The following NKAIN3 variants were observed in gnomAD, a reference collection of about 807,000 sequenced individuals.
NKAIN3 encodes sodium/potassium-transporting ATPase subunit beta-1-interacting protein 3.
NKAIN3 carries 25 observed loss-of-function variants against 30.2 expected under a neutral mutation model. The observed-to-expected ratio is 0.83, with a 90% CI of 0.60 to 1.16. The LOEUF (loss-of-function observed/expected upper bound fraction) is 1.16. NKAIN3 is among the 50% of genes most tolerant of loss of function. The pLI, the probability that NKAIN3 is intolerant of heterozygous loss-of-function variation, is 0.00. For missense variants in NKAIN3, 225 were observed against 254.1 expected, an observed-to-expected ratio of 0.89 and a Z score of 0.78; for synonymous variants, 91 against 89.6, an observed-to-expected ratio of 1.02 and a Z score of -0.09.
chr8:62,349,376 T>C (rs1585710392), intron 1 of NKAIN3, among the ~76,000 whole-genome samples: 1 of 152,034 alleles, frequency 6.6e-6, no homozygotes, highest in Non-Finnish European at 1.5e-5. Context: ...TAAGCCTGGG[T>C]TGAAGCAAAA....
At chr8:62,600,863 T>C (rs1335708018) in intron 3 of NKAIN3, among the ~76,000 whole-genome samples, 1 of 152,132 alleles carries the variant, frequency 6.6e-6, no homozygotes, top group Admixed American at 6.6e-5. Flanking sequence ...GAAATAGTTC[T>C]TCCTCTTCAA....
At chr8:62,580,125 T>C (rs1475703047) in intron 2 of NKAIN3, among the ~76,000 whole-genome samples, 1 of 152,194 alleles carries the variant, frequency 6.6e-6, no homozygotes, top group African/African-American at 2.4e-5. Flanking sequence ...TATTTTAATT[T>C]TAATTGATTT....
At chr8:62,320,118 A>G (rs1585675173) in intron 1 of NKAIN3, among the ~76,000 whole-genome samples, 1 of 151,846 alleles carries the variant, frequency 6.6e-6, no homozygotes, top group East Asian at 1.9e-4. Context: ...ATCTTTGTTG[A>G]TTTAAAGTCT....
chr8:62,832,303 A>T lies in NKAIN3; in HGVS notation c.471+85174A>T, dbSNP rs576791303. 1.1e-4 allele frequency among the ~76,000 whole-genome samples: 15 copies of T among 136,464 alleles called. No homozygotes were observed. The South Asian group carries it at 3.1e-3, about 28-fold the overall frequency. 89.5% of individuals were successfully genotyped at this position (136,464 alleles called of 152,430 possible). A position where few individuals can be genotyped will look rare whatever the true frequency, so the allele number is the denominator to read the frequency against. On this transcript the variant is annotated intron_variant, in intron 4 of 6. Transcript: ENST00000623646. ...CACACACACACACACACACACACAC[A>T]CTCTTAAGTACATATCCCACAGACT...
At chr8:62,658,666 T>A (rs1269518792) in intron 3 of NKAIN3, among the ~76,000 whole-genome samples, 1 of 152,190 alleles carries the variant, frequency 6.6e-6, no homozygotes, top group Non-Finnish European at 1.5e-5. Flanking sequence ...TCTGAAATAG[T>A]GCTGAAATAA....
intron 1 of NKAIN3, among the ~76,000 whole-genome samples, chr8:62,318,268 A>T (rs1000501660): frequency 6.6e-6 from 1 of 152,086 alleles, no homozygotes; most frequent in Admixed American, 6.6e-5. Context: ...AATACCCTTT[A>T]TTTCCTCTCC....
chr8:62,715,748 TG>T (rs1388459783), intron 3 of NKAIN3, among the ~76,000 whole-genome samples: 4 of 152,158 alleles, frequency 2.6e-5, no homozygotes, highest in Admixed American at 6.5e-5. Flanking sequence ...AATTGCTGCC[TG>T]GTGGGAGTTG....
intron 1 of NKAIN3, among the ~76,000 whole-genome samples, chr8:62,508,608 A>C (rs1259307576): frequency 6.6e-6 from 1 of 152,134 alleles, no homozygotes; most frequent in Non-Finnish European, 1.5e-5. Context: ...TATGTTTGAC[A>C]TGCATGGCCA....
chr8:62,429,932 T>A (rs1437265053), intron 1 of NKAIN3, among the ~76,000 whole-genome samples: 1 of 151,896 alleles, frequency 6.6e-6, no homozygotes, highest in Non-Finnish European at 1.5e-5. Context: ...ATCACCACCA[T>A]CCGTCTCCAT....
chr8:62,289,571 C>T (rs185264391), intron 1 of NKAIN3, among the ~76,000 whole-genome samples: 1 of 152,242 alleles, frequency 6.6e-6, no homozygotes, highest in East Asian at 1.9e-4. Context: ...GGTATTATTT[C>T]TGGGGGCTCT....
chr8:62,382,106 CT>C (rs551179279), intron 1 of NKAIN3, among the ~76,000 whole-genome samples: 149 of 152,208 alleles, frequency 9.8e-4, no homozygotes, highest in African/African-American at 3.5e-3. Flanking sequence ...AATTTTGACT[CT>C]TCAAAATCTT....
chr8:62,712,707 C>T (rs1776614670), intron 3 of NKAIN3, among the ~76,000 whole-genome samples: 1 of 152,198 alleles, frequency 6.6e-6, no homozygotes, highest in African/African-American at 2.4e-5. Flanking sequence ...GAAGTCTGCA[C>T]ACTGGGTTTG....
At chr8:62,750,158 C>T (rs952793767) in intron 4 of NKAIN3, among the ~76,000 whole-genome samples, 2 of 152,060 alleles carry the variant, frequency 1.3e-5, no homozygotes, top group South Asian at 2.1e-4. Flanking sequence ...GGCAGGGGCT[C>T]GGCGGCTCTG....
intron 4 of NKAIN3, among the ~76,000 whole-genome samples, chr8:62,769,350 C>A (rs1327610155): frequency 2.6e-5 from 4 of 152,112 alleles, no homozygotes; most frequent in African/African-American, 9.7e-5. Flanking sequence ...GAATCTAATT[C>A]AAAATATCAA....
chr8:62,261,933 T>C (rs915335489), intron 1 of NKAIN3, among the ~76,000 whole-genome samples: 2 of 152,186 alleles, frequency 1.3e-5, no homozygotes, highest in African/African-American at 2.4e-5. Flanking sequence ...AAATTATATG[T>C]TATGCTATTG....
At chr8:62,771,602 AAT>A (rs947536444) in intron 4 of NKAIN3, among the ~76,000 whole-genome samples, 1 of 152,042 alleles carries the variant, frequency 6.6e-6, no homozygotes, top group Non-Finnish European at 1.5e-5. Flanking sequence ...TAGCAAAAAT[AAT>A]GTTTTTGAAG....
chr8:62,383,572 T>A (rs899492904), intron 1 of NKAIN3: 9 of 454,644 alleles, frequency 2.0e-5, no homozygotes, highest in Non-Finnish European at 4.0e-5. Context: ...GCCTTTTGGT[T>A]TGAAGAACAT....
chr8:62,601,875 A>G (rs1810993593), intron 3 of NKAIN3, among the ~76,000 whole-genome samples: 2 of 152,072 alleles, frequency 1.3e-5, no homozygotes, highest in Admixed American at 6.6e-5. Context: ...TTCCTTTGGC[A>G]TGAGTCTAAG....
At chr8:62,392,144 A>G (rs1585754751) in intron 1 of NKAIN3, among the ~76,000 whole-genome samples, 1 of 152,068 alleles carries the variant, frequency 6.6e-6, no homozygotes, top group Admixed American at 6.6e-5. Context: ...GAATAAGACT[A>G]TGAAAAAAAT....
Sources: gnomAD v4.1 joint callset for allele counts (sites outside exome capture counted in the v4.1 genomes callset) on GRCh38, gnomAD v4.1.1 for gene constraint, MANE v1.5 for transcripts, NCBI Gene and HGNC (gene_info 2026-07-23, HGNC 2026-07-21) for gene names.